Variants in USP38 observed in about 807,000 individuals in gnomAD.
USP38 encodes ubiquitin specific peptidase 38.
A neutral mutation model predicts 94.3 loss-of-function variants in USP38; 49 were observed. The observed-to-expected ratio is 0.52, with a 90% CI of 0.41 to 0.66. USP38 has a LOEUF of 0.66. Ranked by LOEUF, USP38 falls within the 30% of genes least tolerant of loss-of-function variation. The pLI, the probability that USP38 is intolerant of heterozygous loss-of-function variation, is 0.00. For synonymous variants in USP38, 468 were observed against 463.6 expected, an observed-to-expected ratio of 1.01 and a Z score of -0.12; for missense variants, 1,128 against 1,229.4, an observed-to-expected ratio of 0.92 and a Z score of 1.23.
intron 7 of USP38, among the ~76,000 whole-genome samples, chr4:143,210,448 A>G (rs564475014): frequency 7.6e-4 from 115 of 152,114 alleles, no homozygotes; most frequent in Admixed American, 1.5e-3. Flanking sequence ...TTAGCCAGGC[A>G]TGGTGGCACA....
intron 9 of USP38, among the ~76,000 whole-genome samples, chr4:143,219,593 A>G (rs1211191993): frequency 6.6e-6 from 1 of 152,116 alleles, no homozygotes; most frequent in Non-Finnish European, 1.5e-5. Context: ...AAATCTGTAG[A>G]TCCTCTCCCA....
chr4:143,215,005 G>C (rs756591827), intron 9 of USP38, 62 bp downstream of exon 9: 2 of 1,458,082 alleles, frequency 1.4e-6, no homozygotes, highest in South Asian at 1.3e-5. Context: ...AGTTAAATGA[G>C]TACCCTCATT....
At chr4:143,201,795 T>C (rs1187112749) in intron 4 of USP38, among the ~76,000 whole-genome samples, 1 of 152,172 alleles carries the variant, frequency 6.6e-6, no homozygotes, top group Non-Finnish European at 1.5e-5. Context: ...TCAAAAACTT[T>C]AGTATTATAA....
Position 143,185,750 on chromosome 4 carries a change from T to C in USP38, c.300T>C (p.Asp100=). Residue 100 remains aspartate (D), a synonymous_variant, in exon 1 of 10, where the codon GAT becomes GAC. Coordinates refer to ENST00000307017, the MANE Select transcript of USP38 (RefSeq NM_032557.6). ...GCTACCACTCTCTGGACAGGAAGGA[T>C]GTAGCCATCCTGGACTACATTCACA... ...HQGYHSLDRK[D]VAILDYIHNG... The C allele has an allele frequency of 6.2e-7, 1 of 1,614,192 alleles. No individual in the cohort carries two copies. Among genetic ancestry groups the C allele is most frequent in the Non-Finnish European group, 8.5e-7 (1 of 1,180,030 alleles).
At chr4:143,191,174 TC>T (rs1731386631) in intron 2 of USP38, among the ~76,000 whole-genome samples, 1 of 152,136 alleles carries the variant, frequency 6.6e-6, no homozygotes, top group South Asian at 2.1e-4. Context: ...CACTATACTT[TC>T]CCAAACATAG....
rs144591309 is a variant in USP38 at position 143,213,718 on chromosome 4, G to T, written c.1742G>T (p.Gly581Val). The change falls in exon 9 of 10, where the codon GGT becomes GTT. Residue 581 changes from glycine (G) to valine (V), a missense_variant. By Grantham distance (109) the Gly-to-Val change is moderately radical (BLOSUM62 -3). Coordinates refer to ENST00000307017, the MANE Select transcript of USP38 (RefSeq NM_032557.6). ...ACAGAGACCCCTCGTACAAGTGACG[G>T]TGAGAAGACTTTAATAGAAAAAATG... ...VLTETPRTSD[G>V]EKTLIEKMFG... is the part of the protein sequence containing the mutation. 1 of 1,613,766 alleles carries T rather than the reference G, an allele frequency of 6.2e-7. No homozygotes were observed. The highest frequency in any genetic ancestry group is 2.2e-5 in the East Asian group (1 of 44,828).
rs778087381 is a variant in USP38 at position 143,214,111 on chromosome 4, G to A, written c.2135G>A (p.Gly712Asp). 2.5e-6 allele frequency: 4 copies of A among 1,613,276 alleles called. No homozygotes were observed. The South Asian group carries it at 4.4e-5, about 18-fold the overall frequency. The change falls in exon 9 of 10, where the codon GGT becomes GAT. Residue 712 changes from glycine (G) to aspartate (D), a missense_variant. By Grantham distance (94) the Gly-to-Asp change is moderately conservative. Coordinates refer to ENST00000307017, the MANE Select transcript of USP38 (RefSeq NM_032557.6). ...VNKDVPQKPG[G>D]ETTPSVTDLL... ...AAAGATGTACCTCAGAAACCAGGAG[G>A]TGAAACCACACCTTCAGTAACTGAC... is the stretch of plus-strand genomic sequence containing the variant.
At chr4:143,217,094 G>C (rs993815050) in intron 9 of USP38, among the ~76,000 whole-genome samples, 4 of 152,182 alleles carry the variant, frequency 2.6e-5, no homozygotes, top group Non-Finnish European at 5.9e-5. Context: ...TTACAGGCAT[G>C]AGCCACTGTG....
Position 143,185,978 on chromosome 4 carries a change from C to G in USP38, c.528C>G (p.Gly176=), listed in dbSNP as rs367745330. The change falls in exon 1 of 10, where the codon GGC becomes GGG. Residue 176 remains glycine (G), a synonymous_variant. Transcript: ENST00000307017. The part of the protein sequence containing the change: ...TFCQQLVRTI[G]HFQCVSTQER... ...GTCAACAGCTGGTTCGAACGATAGGCCATTTCCAGTGCGTGTCCACCCAGG... is the reference window on the plus strand; with the variant it reads ...GTCAACAGCTGGTTCGAACGATAGGGCATTTCCAGTGCGTGTCCACCCAGG... 12 of 1,614,042 alleles carry G rather than the reference C, an allele frequency of 7.4e-6. No individual in the cohort carries two copies. The highest frequency in any genetic ancestry group is 8.5e-6 in the Non-Finnish European group (10 of 1,180,046).
chr4:143,187,947 C>T lies in USP38; in HGVS notation c.804C>T (p.Thr268=). The change falls in exon 2 of 10, where the codon ACC becomes ACT. Residue 268 remains threonine (T), a synonymous_variant. Coordinates refer to ENST00000307017, the MANE Select transcript of USP38 (RefSeq NM_032557.6). ...CAAATGTAAAAGATGCAAGTATGAC[C>T]CAAGCCCTTTGCAGGTACTTCTTCA... ...TDPNVKDASM[T]QALCRMIDWL... 1 of 1,611,846 alleles carries T rather than the reference C, an allele frequency of 6.2e-7. No individual in the cohort carries two copies. Among genetic ancestry groups the T allele is most frequent in the East Asian group, 2.2e-5 (1 of 44,834 alleles).
intron 5 of USP38, among the ~76,000 whole-genome samples, chr4:143,205,674 T>C (rs1445363865): frequency 6.6e-6 from 1 of 152,314 alleles, no homozygotes; most frequent in South Asian, 2.1e-4. Context: ...AAAATTTAAG[T>C]CTTCATTCTA....
intron 2 of USP38, among the ~76,000 whole-genome samples, chr4:143,189,361 A>G (rs1731328926): frequency 6.6e-6 from 1 of 151,556 alleles, no homozygotes. Flanking sequence ...TTGTTTTTTA[A>G]TTCTTTTCCT....
At position 143,209,469 on chromosome 4, in the gene USP38, A is replaced by G. The variant is rs1319810656; in HGVS notation, c.1404-95A>G. On this transcript the variant is annotated intron_variant, in intron 6 of 9. Transcript: ENST00000307017. ...TGTGCCACTGCCCTCCAGCCTGGGC[A>G]ACAAAAGGAAACTCTGTCTCAAAAA... 5 of 700,504 alleles carry G rather than the reference A, an allele frequency of 7.1e-6. No individual in the cohort carries two copies. The Admixed American group carries it at 1.7e-4, about 24-fold the overall frequency. The allele number at this position is 700,504 out of a possible 1,614,324, so 43.4% of individuals were successfully genotyped here.
intron 4 of USP38, among the ~76,000 whole-genome samples, chr4:143,200,119 C>T (rs1229370233): frequency 6.6e-6 from 1 of 151,946 alleles, no homozygotes; most frequent in African/African-American, 2.4e-5. Flanking sequence ...TAAGTCTTAT[C>T]CTTGATGTAA....
chr4:143,206,600 G>T (rs532170258), intron 6 of USP38, among the ~76,000 whole-genome samples: 115 of 152,294 alleles, frequency 7.6e-4, no homozygotes, highest in African/African-American at 2.6e-3. Flanking sequence ...TGAGGCAGGA[G>T]AATCACTTGA....
rs1490904361 is a variant in USP38, at chr4:143,187,915, A to G, written c.772A>G (p.Thr258Ala). The change falls in exon 2 of 10, where the codon ACG becomes GCG. Residue 258 changes from threonine (T) to alanine (A), a missense_variant. Physicochemically the swap from Thr to Ala is moderately conservative, Grantham distance 58. Coordinates refer to ENST00000307017, the MANE Select transcript of USP38 (RefSeq NM_032557.6). ...TACAGTTCTCATCAGGAGCCTTACTACGGATCCAAATGTAAAAGATGCAAG... is the reference window on the plus strand; with the variant it reads ...TACAGTTCTCATCAGGAGCCTTACTGCGGATCCAAATGTAAAAGATGCAAG... The part of the protein sequence containing the change: ...MITVLIRSLT[T>A]DPNVKDASMT... 3 of 1,613,648 alleles carry G rather than the reference A, an allele frequency of 1.9e-6. No individual in the cohort carries two copies. The African/African-American group carries it at 4.0e-5, about 22-fold the overall frequency.
chr4:143,208,349 C>A (rs1337055979), intron 6 of USP38, among the ~76,000 whole-genome samples: 1 of 151,992 alleles, frequency 6.6e-6, no homozygotes, highest in Admixed American at 6.6e-5. Context: ...TCTCTCTGCC[C>A]TTATACAGAT....
chr4:143,213,842 T>C lies in USP38; in HGVS notation c.1866T>C (p.Pro622=). The change falls in exon 9 of 10, where the codon CCT becomes CCC. Residue 622 remains proline (P), a synonymous_variant. Coordinates refer to ENST00000307017, the MANE Select transcript of USP38 (RefSeq NM_032557.6). ...AFTDLSLAFC[P]SSSLENMSVQ... is the part of the protein sequence containing the mutation. ...CAGATCTTTCGCTTGCCTTTTGTCC[T>C]TCCTCTTCTTTGGAAAACATGTCTG... The C allele has an allele frequency of 6.2e-7, 1 of 1,613,844 alleles. No homozygotes were observed. Among genetic ancestry groups the C allele is most frequent in the Non-Finnish European group, 8.5e-7 (1 of 1,179,832 alleles).
At chr4:143,208,709 G>T (rs563634871) in intron 6 of USP38, among the ~76,000 whole-genome samples, 1 of 151,694 alleles carries the variant, frequency 6.6e-6, no homozygotes, top group Admixed American at 6.6e-5. Flanking sequence ...ATCATCCTTT[G>T]CTACATGCTT....
Sources: gnomAD v4.1 joint callset for allele counts (sites outside exome capture counted in the v4.1 genomes callset) on GRCh38, gnomAD v4.1.1 for gene constraint, MANE v1.5 for transcripts, NCBI Gene and HGNC (gene_info 2026-07-23, HGNC 2026-07-21) for gene names.